WASF1: variants seen among roughly 807,000 people sequenced by gnomAD.
WASF1 encodes actin-binding protein WASF1.
A neutral mutation model predicts 50.5 loss-of-function variants in WASF1; 7 were observed. The observed-to-expected ratio is 0.14, with a 90% confidence interval of 0.08 to 0.26. The LOEUF (loss-of-function observed/expected upper bound fraction) is 0.26. Ranked by LOEUF, WASF1 falls within the 10% of genes least tolerant of loss-of-function variation. WASF1 has a pLI of 1.00. For synonymous variants in WASF1, 205 were observed against 244.0 expected, an observed-to-expected ratio of 0.84 and a Z score of 1.49; for missense variants, 470 against 694.7, an observed-to-expected ratio of 0.68 and a Z score of 3.64.
chr6:110,107,224 C>T (rs776974386), intron 6 of WASF1, 30 bp from the exon 7 acceptor site: 1 of 1,406,288 alleles, frequency 7.1e-7, no homozygotes, highest in Non-Finnish European at 9.8e-7. Flanking sequence ...TTAAAACACA[C>T]ATTAGTAAGA....
At chr6:110,103,349 T>TA in intron 9 of WASF1, 29 bp downstream of exon 9, 1 of 1,600,902 alleles carries the variant, frequency 6.2e-7, no homozygotes, top group Non-Finnish European at 8.5e-7. Context: ...ACTCCTAAGA[T>TA]AAAACATCAT....
chr6:110,120,089 G>C (rs189929869), intron 4 of WASF1, among the ~76,000 whole-genome samples: 6 of 152,136 alleles, frequency 3.9e-5, no homozygotes, highest in Non-Finnish European at 7.3e-5. Context: ...AAATCATACT[G>C]AATAGGCAAA....
At chr6:110,144,183 T>A (rs1188356089) in intron 3 of WASF1, among the ~76,000 whole-genome samples, 1 of 152,218 alleles carries the variant, frequency 6.6e-6, no homozygotes, top group Non-Finnish European at 1.5e-5. Context: ...TATCTCACTG[T>A]GGTTTTGATT....
intron 2 of WASF1, among the ~76,000 whole-genome samples, chr6:110,173,034 C>G (rs1342398020): frequency 6.6e-6 from 1 of 152,126 alleles, no homozygotes; most frequent in Non-Finnish European, 1.5e-5. Flanking sequence ...ACCTGTAGCA[C>G]ATGCATGTTA....
intron 3 of WASF1, among the ~76,000 whole-genome samples, chr6:110,160,055 C>T (rs1010863873): frequency 6.6e-6 from 1 of 151,728 alleles, no homozygotes; most frequent in African/African-American, 2.4e-5. Context: ...AAAGTTTTAT[C>T]TAGTTAGAAT....
intron 4 of WASF1, among the ~76,000 whole-genome samples, chr6:110,115,359 C>A (rs1773755153): frequency 6.6e-6 from 1 of 151,976 alleles, no homozygotes; most frequent in African/African-American, 2.4e-5. Flanking sequence ...AAGCTGCTAA[C>A]CTCAAACCTT....
chr6:110,129,449 C>A (rs1376815480), intron 3 of WASF1, among the ~76,000 whole-genome samples: 1 of 152,076 alleles, frequency 6.6e-6, no homozygotes, highest in Admixed American at 6.5e-5. Context: ...AGGAACTTAG[C>A]GAAGGCAAAC....
In WASF1 at chr6:110,151,291, A is replaced by T. The variant is rs1328073060; in HGVS notation, c.-29+9344T>A. 2.6e-5 allele frequency among the ~76,000 whole-genome samples: 4 copies of T among 152,200 alleles called. No homozygotes were observed. In the East Asian group the frequency reaches 7.7e-4, roughly 29 times the overall value. On this transcript the variant is annotated intron_variant, in intron 3 of 10. Transcript: ENST00000392589. Reference sequence around the variant, plus strand: ...GTAACACTTGGTATCACACACTAGCAATTTGAGGATCCAAGCAAAACTAAC... The same window carrying T: ...GTAACACTTGGTATCACACACTAGCTATTTGAGGATCCAAGCAAAACTAAC...
At chr6:110,113,576 GATAA>G in intron 4 of WASF1, 116 bp from the exon 5 acceptor site, 1 of 913,934 alleles carries the variant, frequency 1.1e-6, no homozygotes, top group Non-Finnish European at 1.6e-6. Flanking sequence ...TGTGATCAGA[GATAA>G]ATAATGAACA....
intron 3 of WASF1, among the ~76,000 whole-genome samples, chr6:110,132,556 G>T (rs1377158469): frequency 1.3e-5 from 2 of 151,670 alleles, no homozygotes; most frequent in African/African-American, 2.4e-5. Context: ...ATTTTAATAA[G>T]TTTCTGGGGG....
chr6:110,174,233 T>TCTAAGAAGCCTC, intron 2 of WASF1, among the ~76,000 whole-genome samples: 1 of 152,132 alleles, frequency 6.6e-6, no homozygotes, highest in Admixed American at 6.5e-5. Flanking sequence ...CTCCCCTGAC[T>TCTAAGAAGCCTC]CCCAGTGTAA....
rs1272878798 is a variant in WASF1 at position 110,155,549 on chromosome 6, T to A, written c.-29+5086A>T. ...CTAAAGTGCCTTCTTTTTTTTTTTT[T>A]TTTTTTTTTTTTTTTTATTATACTC... On this transcript the variant is annotated intron_variant, in intron 3 of 10. Transcript: ENST00000392589. Among the ~76,000 whole-genome samples the A allele has an allele frequency of 3.3e-5, 4 of 121,688 alleles. 1 individual carries two copies. The highest frequency in any genetic ancestry group is 1.5e-4 in the African/African-American group (4 of 26,252). The allele number at this position is 121,688 out of a possible 152,430, so 79.8% of individuals were successfully genotyped here. A position where few individuals can be genotyped will look rare whatever the true frequency, so the allele number is the denominator to read the frequency against.
intron 7 of WASF1, 137 bp from the exon 8 acceptor site, chr6:110,105,716 A>C (rs1346256906): frequency 1.2e-6 from 1 of 838,584 alleles, no homozygotes. Flanking sequence ...GTAACACAGA[A>C]ATGGTTTACT....
At chr6:110,166,979 A>AT (rs1444644636) in intron 2 of WASF1, among the ~76,000 whole-genome samples, 3 of 151,954 alleles carry the variant, frequency 2.0e-5, no homozygotes, top group Non-Finnish European at 4.4e-5. Context: ...AGTTGCAGTC[A>AT]TGAGTTTCAG....
At position 110,123,086 on chromosome 6, in the gene WASF1, G is replaced by GTTT. The variant is rs1186797920; in HGVS notation, c.133+4382_133+4383insAAA. On this transcript the variant is annotated intron_variant, in intron 4 of 10. Coordinates refer to ENST00000392589, the MANE Select transcript of WASF1 (RefSeq NM_003931.3). Reference sequence around the variant, plus strand: ...TGTCCACCTGATGAGGGTTAGAGAAGATTATGATGTAAAGGTATATGCAAA... The same window carrying GTTT: ...TGTCCACCTGATGAGGGTTAGAGAAGTTTATTATGATGTAAAGGTATATGCAAA... 1.1e-4 allele frequency among the ~76,000 whole-genome samples: 16 copies of GTTT among 152,290 alleles called. No individual in the cohort carries two copies. In the East Asian group the frequency reaches 1.3e-3, roughly 13 times the overall value.
chr6:110,142,952 T>TAAAAAAAAAAAAAAAAAAAAAAAA (rs5879060), intron 3 of WASF1, among the ~76,000 whole-genome samples: 4 of 119,146 alleles, frequency 3.4e-5, no homozygotes, highest in East Asian at 2.6e-4. Flanking sequence ...CCCAATGATG[T>TAAAAAAAAAAAAAAAAAAAAAAAA]AAAAAAAAAA....
chr6:110,177,845 AAC>A (rs907978511), intron 2 of WASF1, among the ~76,000 whole-genome samples: 40 of 152,262 alleles, frequency 2.6e-4, no homozygotes, highest in African/African-American at 9.4e-4. Flanking sequence ...ATAAAAATAC[AAC>A]ACTTACTTTT....
At chr6:110,112,602 T>C (rs1276836556) in intron 5 of WASF1, among the ~76,000 whole-genome samples, 1 of 152,144 alleles carries the variant, frequency 6.6e-6, no homozygotes, top group Non-Finnish European at 1.5e-5. Flanking sequence ...TACAAAAGCA[T>C]ATTAAAAGCA....
At chr6:110,132,093 A>G (rs1212923214) in intron 3 of WASF1, among the ~76,000 whole-genome samples, 1 of 152,160 alleles carries the variant, frequency 6.6e-6, no homozygotes, top group Non-Finnish European at 1.5e-5. Context: ...ATAGTTTTCT[A>G]AAGAGAAGTC....
Sources: gnomAD v4.1 joint callset for allele counts (sites outside exome capture counted in the v4.1 genomes callset) on GRCh38, gnomAD v4.1.1 for gene constraint, MANE v1.5 for transcripts, NCBI Gene and HGNC (gene_info 2026-07-23, HGNC 2026-07-21) for gene names.